The following DNAH7 variants were observed in gnomAD, a reference collection of about 807,000 sequenced individuals.
DNAH7 encodes the protein dynein axonemal heavy chain 7.
In DNAH7, 397 loss-of-function variants were observed where a neutral mutation model predicts 444.6. That is an observed-to-expected ratio of 0.89 (90% confidence interval 0.82 to 0.97). The LOEUF (loss-of-function observed/expected upper bound fraction) is 0.97, where lower values mean the gene tolerates loss of function less well. Among genes scored for constraint, DNAH7 ranks in the 50% least tolerant of loss-of-function variants. The probability of loss-of-function intolerance (pLI) is 0.00; values close to 1 mark genes in which losing one functional copy is unlikely to be tolerated. For missense variants in DNAH7, 4,902 were observed against 4,800.8 expected (o/e 1.02, Z -0.62); for synonymous variants, 1,636 against 1,624.4 (o/e 1.01, Z -0.17).
At chr2:195,964,580 A>G (rs1464630610) in intron 17 of DNAH7, among the ~76,000 whole-genome samples, 2 of 140,966 alleles carry the variant, frequency 1.4e-5, no homozygotes, top group African/African-American at 5.3e-5. Context: ...CTACAAGATC[A>G]TATTGGCCGG....
At chr2:195,746,162 G>C (rs1693390027) in intron 63 of DNAH7, among the ~76,000 whole-genome samples, 1 of 152,014 alleles carries the variant, frequency 6.6e-6, no homozygotes, top group Non-Finnish European at 1.5e-5. Context: ...GATCTACCAA[G>C]CAAATGGAAA....
At position 195,873,579 on chromosome 2, in the gene DNAH7, A is replaced by C. The variant is rs781534804; in HGVS notation, c.6402T>G (p.His2134Gln). 7.2e-7 allele frequency: 1 copy of C among 1,379,390 alleles called. No individual in the cohort carries two copies. Among genetic ancestry groups the C allele is most frequent in the South Asian group, 1.8e-5 (1 of 54,762 alleles). The allele number at this position is 1,379,390 out of a possible 1,614,324, so 85.4% of individuals were successfully genotyped here. A position where few individuals can be genotyped will look rare whatever the true frequency, so the allele number is the denominator to read the frequency against. ...TTTTGATTACTTACCAGATTTCTAAATGCCAAGTTAAGATTCTAGAGAAGA... is the reference window on the plus strand; with the variant it reads ...TTTTGATTACTTACCAGATTTCTAACTGCCAAGTTAAGATTCTAGAGAAGA... ...YTIFSRILTW[H>Q]LEICYKFPDE... The change falls in exon 39 of 65, where the codon CAT becomes CAG. Residue 2134 changes from histidine to glutamine, a missense_variant. By Grantham distance (24) the His-to-Gln change is conservative. Transcript: ENST00000312428.
chr2:196,044,554 T>C (rs1045791458), intron 5 of DNAH7, among the ~76,000 whole-genome samples: 6 of 152,098 alleles, frequency 3.9e-5, no homozygotes, highest in South Asian at 2.1e-4. Flanking sequence ...AATTTACCCA[T>C]GTAACCAAAC....
chr2:196,016,533 G>A (rs1053958240), intron 9 of DNAH7, among the ~76,000 whole-genome samples: 1 of 152,174 alleles, frequency 6.6e-6, no homozygotes, highest in Non-Finnish European at 1.5e-5. Context: ...CTGGAAGTAT[G>A]TATTCTGAAA....
intron 27 of DNAH7, chr2:195,902,152 T>C (rs1686749767): frequency 1.3e-5 from 2 of 152,150 alleles, no homozygotes; most frequent in South Asian, 4.1e-4. Context: ...AATAAGAACA[T>C]CTTGTTTAAA....
At chr2:195,945,152 C>A (rs1012680207) in intron 19 of DNAH7, among the ~76,000 whole-genome samples, 1 of 151,936 alleles carries the variant, frequency 6.6e-6, no homozygotes, top group African/African-American at 2.4e-5. Flanking sequence ...AGTGCAGAAC[C>A]CTTCTACATA....
chr2:195,809,618 TATA>T (rs1354984054), intron 52 of DNAH7, 124 bp downstream of exon 52: 7 of 886,832 alleles, frequency 7.9e-6, no homozygotes, highest in South Asian at 9.8e-5. Flanking sequence ...TTGCCTTAAC[TATA>T]ATAACAAACA....
At chr2:195,990,775 T>TTGTGTGTGTGTGTGTG (rs140976714) in intron 12 of DNAH7, among the ~76,000 whole-genome samples, 435 of 132,928 alleles carry the variant, frequency 3.3e-3, no homozygotes, top group African/African-American at 0.011. Flanking sequence ...TATAGCTTTG[T>TTGTGTGTGTGTGTGTG]TGTGTGTGTG....
At chr2:195,749,691 A>T (rs1024544230) in intron 63 of DNAH7, among the ~76,000 whole-genome samples, 104 of 151,956 alleles carry the variant, frequency 6.8e-4, no homozygotes, top group African/African-American at 2.3e-3. Flanking sequence ...AGGGACATGG[A>T]TGAAATTGGA....
chr2:195,827,472 C>A (rs1465736587), intron 48 of DNAH7, among the ~76,000 whole-genome samples: 1 of 151,976 alleles, frequency 6.6e-6, no homozygotes, highest in Non-Finnish European at 1.5e-5. Context: ...AAAGACAGGG[C>A]TTCACCATGT....
intron 12 of DNAH7, among the ~76,000 whole-genome samples, chr2:195,990,591 C>G (rs1398722282): frequency 6.6e-6 from 1 of 151,688 alleles, no homozygotes; most frequent in Admixed American, 6.6e-5. Context: ...CCCAGGAGGT[C>G]AAGGCTGCAG....
intron 63 of DNAH7, chr2:195,741,113 T>A (rs900089439): frequency 4.3e-5 from 9 of 208,626 alleles, no homozygotes; most frequent in African/African-American, 2.1e-4. Flanking sequence ...AAAGAAATTT[T>A]AAACAGGTCT....
At chr2:195,784,744 G>A (rs1056402266) in intron 58 of DNAH7, among the ~76,000 whole-genome samples, 2 of 152,154 alleles carry the variant, frequency 1.3e-5, no homozygotes, top group African/African-American at 4.8e-5. Flanking sequence ...ATCCTTGTTA[G>A]CATTTGGTGG....
At chr2:195,779,153 C>G (rs1695252995) in intron 58 of DNAH7, among the ~76,000 whole-genome samples, 2 of 151,998 alleles carry the variant, frequency 1.3e-5, no homozygotes, top group Admixed American at 1.3e-4. Flanking sequence ...AGACTGTACA[C>G]TTTTTTTTCC....
At chr2:195,742,998 G>T (rs1693135606) in intron 63 of DNAH7, among the ~76,000 whole-genome samples, 2 of 152,184 alleles carry the variant, frequency 1.3e-5, no homozygotes, top group Admixed American at 1.3e-4. Context: ...AGTGTGGGTG[G>T]ACACCATCTA....
intron 48 of DNAH7, chr2:195,825,005 A>G (rs536154983): frequency 1.3e-5 from 2 of 152,528 alleles, no homozygotes; most frequent in African/African-American, 4.8e-5. Flanking sequence ...GGCCAGGCAC[A>G]GTGGCTCATG....
At chr2:195,886,060 G>A (rs1701689504) in intron 34 of DNAH7, 81 bp downstream of exon 34, 1 of 1,460,976 alleles carries the variant, frequency 6.8e-7, no homozygotes, top group Admixed American at 2.4e-5. Flanking sequence ...GGCAAAATGA[G>A]TTTCACAAAT....
intron 19 of DNAH7, among the ~76,000 whole-genome samples, chr2:195,954,035 T>G (rs1420640678): frequency 6.6e-6 from 1 of 152,216 alleles, no homozygotes; most frequent in Admixed American, 6.5e-5. Context: ...TTTTAAATTT[T>G]ATTAATTATA....
chr2:195,875,951 A>G, intron 37 of DNAH7, 108 bp from the exon 38 acceptor site: 1 of 1,030,862 alleles, frequency 9.7e-7, no homozygotes, highest in South Asian at 2.3e-5. Flanking sequence ...TGCAGAGTAC[A>G]TATGAGGAAG....
Sources: allele counts gnomAD v4.1 joint callset (sites outside exome capture counted in the v4.1 genomes callset), GRCh38; gene constraint gnomAD v4.1.1; transcripts MANE v1.5; gene names NCBI Gene and HGNC (gene_info 2026-07-23, HGNC 2026-07-21).